The following DNAAF4 variants were observed in gnomAD, a reference collection of about 807,000 sequenced individuals.
DNAAF4 encodes the protein dynein axonemal assembly factor 4, also known as dynein assembly factor 4, axonemal.
A neutral mutation model predicts 51.8 loss-of-function variants in DNAAF4; 43 were observed. The observed-to-expected ratio is 0.83, with a 90% CI of 0.65 to 1.07. DNAAF4 has a LOEUF of 1.07. Ranked by LOEUF, DNAAF4 falls within the 50% of genes least tolerant of loss-of-function variation. DNAAF4 has a pLI of 0.00. For synonymous variants in DNAAF4, 194 were observed against 165.6 expected (o/e 1.17, Z -1.32); for missense variants, 581 against 493.0 (o/e 1.18, Z -1.69).
intron 3 of DNAAF4, among the ~76,000 whole-genome samples, chr15:55,493,330 G>A (rs2058599055): frequency 6.6e-6 from 1 of 152,302 alleles, no homozygotes; most frequent in African/African-American, 2.4e-5. Context: ...CAATTGAAGA[G>A]AATGTTAAAT....
At chr15:55,484,161 C>T (rs945528804) in intron 4 of DNAAF4, among the ~76,000 whole-genome samples, 3 of 151,890 alleles carry the variant, frequency 2.0e-5, no homozygotes, top group Non-Finnish European at 2.9e-5. Flanking sequence ...GTCCAAATGC[C>T]ATGGAATACA....
chr15:55,460,788 A>G (rs691940), intron 5 of DNAAF4, among the ~76,000 whole-genome samples: 147,924 of 150,616 alleles, frequency 0.98, 72,693 homozygotes, highest in East Asian at 1. Flanking sequence ...TTTTTGAGAC[A>G]GAGCCTCGCT....
intron 4 of DNAAF4, 113 bp downstream of exon 4, chr15:55,491,010 C>G: frequency 1.5e-6 from 2 of 1,295,808 alleles, no homozygotes; most frequent in Admixed American, 2.1e-5. Context: ...ATAGTAAGTC[C>G]TCTAAACAAA....
At chr15:55,480,905 G>A (rs1043487447) in intron 4 of DNAAF4, among the ~76,000 whole-genome samples, 2 of 152,168 alleles carry the variant, frequency 1.3e-5, no homozygotes, top group African/African-American at 4.8e-5. Flanking sequence ...CGTGTCAAGG[G>A]TGGGACCAGG....
chr15:55,432,065 C>G (rs1438735695), intron 9 of DNAAF4, among the ~76,000 whole-genome samples: 1 of 151,988 alleles, frequency 6.6e-6, no homozygotes, highest in Non-Finnish European at 1.5e-5. Context: ...AAGGGATTCT[C>G]CTGCCTTAGC....
At position 55,483,833 on chromosome 15, in the gene DNAAF4, CTTTTTTTTTTT is replaced by C. The variant is rs71105887; in HGVS notation, c.405+7279_405+7289del. 2.0e-3 allele frequency among the ~76,000 whole-genome samples: 162 copies of C among 82,500 alleles called. 3 individuals carry two copies. Among genetic ancestry groups the C allele is most frequent in the African/African-American group, 6.7e-3 (138 of 20,730 alleles). The allele number at this position is 82,500 out of a possible 152,430, so 54.1% of individuals were successfully genotyped here. On this transcript the variant is annotated intron_variant, in intron 4 of 9. Transcript: ENST00000321149. ...GAGCCATCACACCCAGCCAATAAAGCTTTTTTTTTTTTTTTTTTTTTTTTTTTTTTTTTTTT... is the reference window on the plus strand; with the variant it reads ...GAGCCATCACACCCAGCCAATAAAGCTTTTTTTTTTTTTTTTTTTTTTTTT...
At chr15:55,482,502 C>T (rs896706923) in intron 4 of DNAAF4, among the ~76,000 whole-genome samples, 5 of 152,006 alleles carry the variant, frequency 3.3e-5, no homozygotes, top group African/African-American at 1.2e-4. Context: ...CATGGCAAAA[C>T]CCCCTCTCTA....
downstream of DNAAF4, among the ~76,000 whole-genome samples, chr15:55,430,009 G>T (rs985751482): frequency 6.6e-6 from 1 of 151,912 alleles, no homozygotes; most frequent in Non-Finnish European, 1.5e-5. Flanking sequence ...TCTCCCCCTT[G>T]TCTACTTGGA....
chr15:55,466,016 C>G (rs1012143621), intron 5 of DNAAF4, among the ~76,000 whole-genome samples: 7 of 152,082 alleles, frequency 4.6e-5, no homozygotes, highest in African/African-American at 1.4e-4. Flanking sequence ...GATGGGTCCA[C>G]CAAAATCTCA....
downstream of DNAAF4, among the ~76,000 whole-genome samples, chr15:55,428,484 CTTTTTTTTTTTTTTTTTT>C (rs747325376): frequency 5.4e-4 from 46 of 85,082 alleles, no homozygotes; most frequent in African/African-American, 1.7e-3. Context: ...TCTTTTTTTT[CTTTTTTTTTTTTTTTTTT>C]TTTTTTTTTT....
At position 55,442,885 on chromosome 15, in the gene DNAAF4, G is replaced by C. The variant is rs1208350875; in HGVS notation, c.784-3304C>G. The C allele has an allele frequency of 2.5e-6, 4 of 1,612,246 alleles. No homozygotes were observed. In the African/African-American group the frequency reaches 5.3e-5, roughly 22 times the overall value. Reference sequence around the variant, plus strand: ...ACCAACAGTAGCATCAATCATGGTTGCAATGGCACCTCCATGAATCAATCC... The same window carrying C: ...ACCAACAGTAGCATCAATCATGGTTCCAATGGCACCTCCATGAATCAATCC... On this transcript the variant is annotated intron_variant, in intron 6 of 9. Coordinates refer to ENST00000321149, the MANE Select transcript of DNAAF4 (RefSeq NM_130810.4).
At chr15:55,417,782 C>T (rs1043504919) in exon 8 of DNAAF4, 1 of 206,378 alleles carries the variant, frequency 4.8e-6, no homozygotes, top group African/African-American at 2.3e-5. Context: ...GCTTTTTAAT[C>T]ACCTGGGTGG....
downstream of DNAAF4, among the ~76,000 whole-genome samples, chr15:55,427,302 G>A (rs1011350270): frequency 2.6e-5 from 4 of 152,196 alleles, no homozygotes; most frequent in African/African-American, 7.2e-5. Context: ...TCCTGGCCTC[G>A]TGATCCACTC....
At chr15:55,418,785 C>A in intron 7 of DNAAF4, 1 of 419,298 alleles carries the variant, frequency 2.4e-6, no homozygotes, top group East Asian at 3.9e-5. Flanking sequence ...TGTTTTAGTC[C>A]ATGTAATCCA....
intron 6 of DNAAF4, among the ~76,000 whole-genome samples, chr15:55,447,320 C>T (rs2057848492): frequency 6.6e-6 from 1 of 152,028 alleles, no homozygotes; most frequent in Admixed American, 6.6e-5. Flanking sequence ...GCACTCCTCA[C>T]ATCCCAGACG....
At chr15:55,473,382 T>C (rs931311460) in intron 4 of DNAAF4, among the ~76,000 whole-genome samples, 1 of 147,774 alleles carries the variant, frequency 6.8e-6, no homozygotes, top group Non-Finnish European at 1.5e-5. Context: ...TATATATATA[T>C]ATGCAAACTT....
intron 5 of DNAAF4, among the ~76,000 whole-genome samples, chr15:55,451,786 G>A (rs918200433): frequency 6.6e-6 from 1 of 151,910 alleles, no homozygotes; most frequent in Non-Finnish European, 1.5e-5. Context: ...CTAATTTTTT[G>A]TTTGTATGCT....
intron 1 of DNAAF4, among the ~76,000 whole-genome samples, chr15:55,501,689 A>G (rs749922472): frequency 6.6e-6 from 1 of 151,848 alleles, no homozygotes. Context: ...TTTCTTAAAT[A>G]TAACATAAAA....
intron 6 of DNAAF4, among the ~76,000 whole-genome samples, chr15:55,445,874 C>T (rs1275366256): frequency 5.4e-5 from 8 of 147,948 alleles, no homozygotes; most frequent in Non-Finnish European, 8.9e-5. Flanking sequence ...GCGCTCCTCA[C>T]TTCCCAGATG....
Sources: gnomAD v4.1 joint callset for allele counts (sites outside exome capture counted in the v4.1 genomes callset) on GRCh38, gnomAD v4.1.1 for gene constraint, MANE v1.5 for transcripts, NCBI Gene and HGNC (gene_info 2026-07-23, HGNC 2026-07-21) for gene names.